The following ALPK2 variants were observed in gnomAD, a reference collection of about 807,000 sequenced individuals.
The protein encoded by ALPK2 is alpha-protein kinase 2.
A neutral mutation model predicts 163.1 loss-of-function variants in ALPK2; 127 were observed. The ratio of observed to expected loss-of-function variants is 0.78; its 90% CI spans 0.67 to 0.90. ALPK2 has a LOEUF of 0.90. Ranked by LOEUF, ALPK2 falls within the 40% of genes least tolerant of loss-of-function variation. ALPK2 has a pLI of 0.00. For synonymous variants in ALPK2, 953 were observed against 959.1 expected, an observed-to-expected ratio of 0.99 and a Z score of 0.12; for missense variants, 2,360 against 2,589.6, an observed-to-expected ratio of 0.91 and a Z score of 1.92.
chr18:58,532,946 AAC>A (rs2051623770), intron 5 of ALPK2, among the ~76,000 whole-genome samples: 1 of 152,120 alleles, frequency 6.6e-6, no homozygotes, highest in Non-Finnish European at 1.5e-5. Flanking sequence ...GATGGACCCA[AAC>A]ACCCGCTAGT....
At chr18:58,554,479 G>A (rs1349715772) in intron 4 of ALPK2, among the ~76,000 whole-genome samples, 1 of 152,234 alleles carries the variant, frequency 6.6e-6, no homozygotes, top group African/African-American at 2.4e-5. Context: ...TCATAAGACA[G>A]ACAGTAGCAT....
At chr18:58,554,383 C>A (rs996679197) in intron 4 of ALPK2, among the ~76,000 whole-genome samples, 3 of 152,182 alleles carry the variant, frequency 2.0e-5, no homozygotes, top group South Asian at 2.1e-4. Context: ...AAACTAGGCA[C>A]CATGGTTGCT....
chr18:58,586,986 G>A (rs767770118), intron 3 of ALPK2, among the ~76,000 whole-genome samples: 22 of 152,098 alleles, frequency 1.4e-4, no homozygotes, highest in Non-Finnish European at 2.5e-4. Flanking sequence ...ATGTGCTTAC[G>A]AAAGACCTGA....
chr18:58,576,513 T>C (rs1179542666), intron 4 of ALPK2, among the ~76,000 whole-genome samples: 2 of 152,278 alleles, frequency 1.3e-5, no homozygotes, highest in Non-Finnish European at 2.9e-5. Flanking sequence ...GAATTTGTTA[T>C]GGAGAGAGTC....
intron 3 of ALPK2, among the ~76,000 whole-genome samples, chr18:58,589,003 C>A (rs951507416): frequency 6.6e-6 from 1 of 151,920 alleles, no homozygotes; most frequent in African/African-American, 2.4e-5. Flanking sequence ...CAGTTTTGAC[C>A]CTGAGGATCC....
At chr18:58,541,701 G>T (rs2051690695) in intron 4 of ALPK2, among the ~76,000 whole-genome samples, 1 of 152,202 alleles carries the variant, frequency 6.6e-6, no homozygotes, top group African/African-American at 2.4e-5. Flanking sequence ...TTACGTTGAA[G>T]CAACAAACCG....
chr18:58,539,827 G>A (rs1010910447), intron 4 of ALPK2, among the ~76,000 whole-genome samples: 3 of 152,280 alleles, frequency 2.0e-5, no homozygotes, highest in African/African-American at 7.2e-5. Flanking sequence ...CCCGTGGGAA[G>A]CAGGACAACA....
At chr18:58,571,152 G>A (rs1163013271) in intron 4 of ALPK2, among the ~76,000 whole-genome samples, 2 of 151,990 alleles carry the variant, frequency 1.3e-5, no homozygotes, top group Non-Finnish European at 2.9e-5. Flanking sequence ...CTCCCAAGTA[G>A]CTGGGATTAC....
At chr18:58,520,342 C>G (rs749332459) in intron 8 of ALPK2, among the ~76,000 whole-genome samples, 9 of 142,924 alleles carry the variant, frequency 6.3e-5, no homozygotes, top group African/African-American at 1.0e-4. Flanking sequence ...GGCAGGACAA[C>G]TGCTTGAACT....
At chr18:58,553,773 C>T (rs2051771690) in intron 4 of ALPK2, among the ~76,000 whole-genome samples, 1 of 151,424 alleles carries the variant, frequency 6.6e-6, no homozygotes, top group South Asian at 2.1e-4. Context: ...CTTCCCCAGC[C>T]ATGCTGAACT....
rs1185480527 is a variant in ALPK2, at chr18:58,580,246, A to C, written c.530T>G (p.Leu177Trp). ...KSNHSLSLQS[L>W]GNLDISVSSS... ...GGACACACTAATGTCAAGATTGCCC[A>C]ATGACTGGAGGGAGAGTGAATGGTT... The change falls in exon 4 of 13, where the codon TTG becomes TGG. Residue 177 changes from leucine (L) to tryptophan (W), a missense_variant. Transcript: ENST00000361673. 6.2e-7 allele frequency: 1 copy of C among 1,614,088 alleles called. No individual in the cohort carries two copies. Among genetic ancestry groups the C allele is most frequent in the Non-Finnish European group, 8.5e-7 (1 of 1,180,028 alleles).
intron 10 of ALPK2, among the ~76,000 whole-genome samples, chr18:58,512,823 T>G (rs1182164647): frequency 1.5e-5 from 2 of 132,166 alleles, no homozygotes; most frequent in Non-Finnish European, 3.2e-5. Flanking sequence ...GGTGCATGTA[T>G]GAGGTGTGTG....
intron 10 of ALPK2, among the ~76,000 whole-genome samples, chr18:58,506,467 C>A (rs2051462567): frequency 6.6e-6 from 1 of 152,018 alleles, no homozygotes; most frequent in Admixed American, 6.6e-5. Context: ...TCATTTGCCC[C>A]CACCCCCCAC....
chr18:58,607,086 T>C (rs537854254), intron 3 of ALPK2, among the ~76,000 whole-genome samples: 10 of 152,200 alleles, frequency 6.6e-5, no homozygotes, highest in African/African-American at 2.4e-4. Context: ...TGAACAAAAT[T>C]CTAGATAAAG....
intron 6 of ALPK2, among the ~76,000 whole-genome samples, chr18:58,527,462 A>G (rs1470473160): frequency 1.3e-5 from 2 of 152,232 alleles, no homozygotes; most frequent in Non-Finnish European, 1.5e-5. Flanking sequence ...CGTCATCAGT[A>G]AGTAGAATGC....
intron 5 of ALPK2, among the ~76,000 whole-genome samples, chr18:58,529,970 G>T (rs531845216): frequency 2.6e-5 from 4 of 152,332 alleles, no homozygotes; most frequent in South Asian, 2.1e-4. Flanking sequence ...CAAGGATGAG[G>T]CCCCTGTCCC....
At chr18:58,507,292 C>T (rs55747726) in intron 10 of ALPK2, among the ~76,000 whole-genome samples, 13,741 of 152,144 alleles carry the variant, frequency 0.09, 1,004 homozygotes, top group East Asian at 0.38. Flanking sequence ...CATGCAAAGA[C>T]GTGACCAGCT....
At chr18:58,519,626 A>G (rs1467675124) in intron 8 of ALPK2, among the ~76,000 whole-genome samples, 1 of 152,202 alleles carries the variant, frequency 6.6e-6, no homozygotes, top group Non-Finnish European at 1.5e-5. Context: ...TCCAACAGAA[A>G]TGCTTATTTG....
In ALPK2 at chr18:58,536,619, C is replaced by T; in HGVS notation, c.3568G>A (p.Gly1190Arg). The T allele has an allele frequency of 1.2e-6, 2 of 1,614,180 alleles. No homozygotes were observed. The highest frequency in any genetic ancestry group is 1.7e-6 in the Non-Finnish European group (2 of 1,180,030). The stretch of plus-strand genomic sequence containing the variant: ...TCAGCCACCACGGAGACCCTCGTCC[C>T]CCAACCTGAGCGCTGCCCTGCTCCT... ...REGAGQRSGW[G>R]TRVSVVAETA... is the part of the protein sequence containing the mutation. The change falls in exon 5 of 13, where the codon GGG (glycine) becomes AGG (arginine). Residue 1190 changes from glycine to arginine, a missense_variant. Coordinates refer to ENST00000361673, the MANE Select transcript of ALPK2 (RefSeq NM_052947.4).
Sources: allele counts gnomAD v4.1 joint callset (sites outside exome capture counted in the v4.1 genomes callset), GRCh38; gene constraint gnomAD v4.1.1; transcripts MANE v1.5; gene names NCBI Gene and HGNC (gene_info 2026-07-23, HGNC 2026-07-21).